The following BRINP3 variants were observed in gnomAD, a reference collection of about 807,000 sequenced individuals.
The protein encoded by BRINP3 is BMP/retinoic acid-inducible neural-specific protein 3.
A neutral mutation model predicts 71.0 loss-of-function variants in BRINP3; 19 were observed. The ratio of observed to expected loss-of-function variants is 0.27; its 90% CI spans 0.19 to 0.39. The LOEUF is 0.39. Among genes scored for constraint, BRINP3 ranks in the 10% least tolerant of loss-of-function variants. The probability of loss-of-function intolerance (pLI) is 1.00; values close to 1 mark genes in which losing one functional copy is unlikely to be tolerated. For missense variants in BRINP3, 959 were observed against 940.8 expected, an observed-to-expected ratio of 1.02 and a Z score of -0.25; for synonymous variants, 380 against 337.7, an observed-to-expected ratio of 1.13 and a Z score of -1.37.
chr1:190,189,678 A>T (rs1279042742), intron 6 of BRINP3, among the ~76,000 whole-genome samples: 1 of 151,086 alleles, frequency 6.6e-6, no homozygotes, highest in East Asian at 1.9e-4. Context: ...GATTTTTTTT[A>T]TCTAGATTCT....
chr1:190,325,527 A>T (rs1426417127), intron 2 of BRINP3, among the ~76,000 whole-genome samples: 1 of 152,066 alleles, frequency 6.6e-6, no homozygotes, highest in Admixed American at 6.6e-5. Flanking sequence ...TGAAGAGTTC[A>T]TATCAATTTT....
chr1:190,235,226 T>C (rs1658400683), intron 4 of BRINP3, among the ~76,000 whole-genome samples: 1 of 152,100 alleles, frequency 6.6e-6, no homozygotes, highest in Non-Finnish European at 1.5e-5. Context: ...GCACACAGGT[T>C]TAGTACTTAA....
intron 2 of BRINP3, among the ~76,000 whole-genome samples, chr1:190,428,119 G>GA (rs905656296): frequency 6.6e-6 from 1 of 151,474 alleles, no homozygotes. Context: ...TCCTCAGTAG[G>GA]AAAAAACATA....
intron 7 of BRINP3, among the ~76,000 whole-genome samples, chr1:190,132,123 T>A (rs1399932527): frequency 6.6e-6 from 1 of 152,066 alleles, no homozygotes; most frequent in East Asian, 1.9e-4. Flanking sequence ...AATTTGCCAA[T>A]GACCTTTAAT....
chr1:190,140,400 G>T (rs1298583179), intron 7 of BRINP3, among the ~76,000 whole-genome samples: 1 of 151,968 alleles, frequency 6.6e-6, no homozygotes, highest in Non-Finnish European at 1.5e-5. Flanking sequence ...TTTATTAAAT[G>T]ACTTCATTTG....
At chr1:190,117,257 G>C (rs1328547094) in intron 7 of BRINP3, among the ~76,000 whole-genome samples, 1 of 151,870 alleles carries the variant, frequency 6.6e-6, no homozygotes, top group Non-Finnish European at 1.5e-5. Context: ...AGTATAAACA[G>C]AAATGTGCAC....
At chr1:190,107,615 A>T (rs1026805360) in intron 7 of BRINP3, among the ~76,000 whole-genome samples, 2 of 151,978 alleles carry the variant, frequency 1.3e-5, no homozygotes, top group Non-Finnish European at 2.9e-5. Context: ...AAAATATACC[A>T]TTCCTGATAG....
intron 2 of BRINP3, among the ~76,000 whole-genome samples, chr1:190,442,585 T>A (rs998302736): frequency 3.3e-5 from 5 of 152,350 alleles, no homozygotes; most frequent in South Asian, 2.1e-4. Flanking sequence ...CACACACACG[T>A]AAATACGTAA....
intron 6 of BRINP3, among the ~76,000 whole-genome samples, chr1:190,223,411 C>A (rs939878929): frequency 6.6e-6 from 1 of 151,808 alleles, no homozygotes; most frequent in Non-Finnish European, 1.5e-5. Context: ...AGAAAATAAA[C>A]ATATCATTAT....
rs192469547 is a variant in BRINP3 at position 190,367,225 on chromosome 1, G to T, written c.237-85475C>A. On this transcript the variant is annotated intron_variant, in intron 2 of 7. Coordinates refer to ENST00000367462, the MANE Select transcript of BRINP3 (RefSeq NM_199051.3). Reference sequence around the variant, plus strand: ...ACACATTCTCTGAAATCTAGGCAGAGGTTCCTCAACATCAATTATTTACTT... The same window carrying T: ...ACACATTCTCTGAAATCTAGGCAGATGTTCCTCAACATCAATTATTTACTT... Among the ~76,000 whole-genome samples the T allele has an allele frequency of 1.1e-4, 17 of 152,342 alleles. No homozygotes were observed. The East Asian group carries it at 3.1e-3, about 28-fold the overall frequency.
chr1:190,411,904 GA>G (rs879895999), intron 2 of BRINP3, among the ~76,000 whole-genome samples: 1 of 152,102 alleles, frequency 6.6e-6, no homozygotes, highest in Non-Finnish European at 1.5e-5. Flanking sequence ...TTCACAGAAG[GA>G]ACAGATATGA....
intron 3 of BRINP3, among the ~76,000 whole-genome samples, chr1:190,279,774 T>C (rs1662897905): frequency 6.6e-6 from 1 of 151,952 alleles, no homozygotes; most frequent in Non-Finnish European, 1.5e-5. Flanking sequence ...TTCTGAATCT[T>C]TATTTGTGAA....
chr1:190,335,562 T>G (rs920985942), intron 2 of BRINP3, among the ~76,000 whole-genome samples: 1 of 151,862 alleles, frequency 6.6e-6, no homozygotes, highest in Non-Finnish European at 1.5e-5. Flanking sequence ...GTGGTATAAA[T>G]ATATTTATTT....
intron 4 of BRINP3, among the ~76,000 whole-genome samples, chr1:190,235,071 GA>G: frequency 6.6e-6 from 1 of 151,788 alleles, no homozygotes; most frequent in Non-Finnish European, 1.5e-5. Context: ...ACCTCACTTG[GA>G]TTAGAAACTT....
At chr1:190,410,377 T>C (rs1313224855) in intron 2 of BRINP3, among the ~76,000 whole-genome samples, 1 of 152,076 alleles carries the variant, frequency 6.6e-6, no homozygotes, top group African/African-American at 2.4e-5. Flanking sequence ...ATTTTTTCTT[T>C]GGTAGAGGAA....
chr1:190,267,321 C>A (rs1022381429), intron 3 of BRINP3, among the ~76,000 whole-genome samples: 3 of 151,848 alleles, frequency 2.0e-5, no homozygotes, highest in Admixed American at 2.0e-4. Flanking sequence ...CAATAAAAAA[C>A]CTAAAAGTTA....
At chr1:190,207,862 TAAG>T (rs1457119757) in intron 6 of BRINP3, among the ~76,000 whole-genome samples, 1 of 152,128 alleles carries the variant, frequency 6.6e-6, no homozygotes, top group East Asian at 1.9e-4. Context: ...ACAGCCTTGA[TAAG>T]AAGTTGATAG....
chr1:190,145,225 T>C (rs140971628), intron 7 of BRINP3, among the ~76,000 whole-genome samples: 2 of 152,314 alleles, frequency 1.3e-5, no homozygotes, highest in East Asian at 3.9e-4. Context: ...TGACATTAAA[T>C]GTTTATTTGT....
In BRINP3 at chr1:190,159,254, T is replaced by C. The variant is rs551820193; in HGVS notation, c.1184+1414A>G. Among the ~76,000 whole-genome samples the C allele has an allele frequency of 9.2e-5, 14 of 152,216 alleles. No homozygotes were observed. The East Asian group carries it at 2.7e-3, about 29-fold the overall frequency. On this transcript the variant is annotated intron_variant, in intron 7 of 7. Coordinates refer to ENST00000367462, the MANE Select transcript of BRINP3 (RefSeq NM_199051.3). ...AGATAATGTGGAGAGATTGGAGTTG[T>C]CATTTGTGACTGGTGAAAATATAAA...
Sources: allele counts gnomAD v4.1 joint callset (sites outside exome capture counted in the v4.1 genomes callset), GRCh38; gene constraint gnomAD v4.1.1; transcripts MANE v1.5; gene names NCBI Gene and HGNC (gene_info 2026-07-23, HGNC 2026-07-21).